Variants in NELFA observed in about 807,000 individuals in gnomAD.
NELFA encodes negative elongation factor complex member A.
A neutral mutation model predicts 51.8 loss-of-function variants in NELFA; 35 were observed. The ratio of observed to expected loss-of-function variants is 0.68; its 90% CI spans 0.52 to 0.90. The LOEUF (loss-of-function observed/expected upper bound fraction) is 0.90, where lower values mean the gene tolerates loss of function less well. Among genes scored for constraint, NELFA ranks in the 40% least tolerant of loss-of-function variants. The pLI, the probability that NELFA is intolerant of heterozygous loss-of-function variation, is 0.00. For missense variants in NELFA, 658 were observed against 746.4 expected (o/e 0.88, Z 1.38); for synonymous variants, 417 against 338.4 (o/e 1.23, Z -2.55).
chr4:2,006,660 T>C (rs995500939), intron 1 of NELFA, among the ~76,000 whole-genome samples: 1 of 148,772 alleles, frequency 6.7e-6, no homozygotes, highest in Non-Finnish European at 1.5e-5. Flanking sequence ...TCCCAGCTAC[T>C]ACAGAGGTTT....
rs1205718271 is a variant in NELFA, at chr4:2,008,864, C to A, written c.96G>T (p.Leu32=). The change falls in exon 1 of 11, where the codon CTG becomes CTT. Residue 32 remains leucine (L), a synonymous_variant. Coordinates refer to ENST00000382882, the MANE Select transcript of NELFA (RefSeq NM_005663.5). ...ELWAPPSIAS[L]LTAAVIDNIR... is the part of the protein sequence containing the mutation. The stretch of plus-strand genomic sequence containing the variant: ...TGTTGTCGATGACCGCGGCCGTGAG[C>A]AGGGACGCGATGCTGGGCGGCGCCC... 6.2e-7 allele frequency: 1 copy of A among 1,603,468 alleles called. No individual in the cohort carries two copies. The highest frequency in any genetic ancestry group is 8.5e-7 in the Non-Finnish European group (1 of 1,175,984).
intron 1 of NELFA, among the ~76,000 whole-genome samples, chr4:1,993,974 C>G (rs1728356072): frequency 6.6e-6 from 1 of 152,136 alleles, no homozygotes; most frequent in Non-Finnish European, 1.5e-5. Context: ...CCAGGCCTAC[C>G]TTGTAAGGTC....
intron 3 of NELFA, among the ~76,000 whole-genome samples, chr4:1,988,511 G>A (rs999984972): frequency 5.3e-5 from 8 of 152,246 alleles, no homozygotes; most frequent in African/African-American, 1.9e-4. Context: ...GGCCCAAGGG[G>A]CCAGCAGAGT....
intron 4 of NELFA, 24 bp from the exon 5 acceptor site, chr4:1,986,426 C>T (rs537205291): frequency 5.0e-6 from 8 of 1,612,274 alleles, no homozygotes; most frequent in East Asian, 2.2e-5. Context: ...ACAGTCAGGG[C>T]GCCAGCAGCA....
chr4:1,983,247 G>GTTACT lies in NELFA; in HGVS notation c.*67_*71dup. 2 of 1,494,546 alleles carry GTTACT rather than the reference G, an allele frequency of 1.3e-6. No individual in the cohort carries two copies. Among genetic ancestry groups the GTTACT allele is most frequent in the East Asian group, 2.3e-5 (1 of 43,108 alleles). The allele number at this position is 1,494,546 out of a possible 1,614,324, so 92.6% of individuals were successfully genotyped here. A position where few individuals can be genotyped will look rare whatever the true frequency, so the allele number is the denominator to read the frequency against. The stretch of plus-strand genomic sequence containing the variant: ...TCGGGGGCCAGGTGTCCGCCATCCG[G>GTTACT]TTACTTTAAGCTGGCAAAGCCATCG... On this transcript the variant is annotated 3_prime_UTR_variant, in exon 11 of 11. Coordinates refer to ENST00000382882, the MANE Select transcript of NELFA (RefSeq NM_005663.5).
chr4:2,004,836 C>T (rs1340817728), intron 1 of NELFA, among the ~76,000 whole-genome samples: 1 of 133,336 alleles, frequency 7.5e-6, no homozygotes, highest in Non-Finnish European at 1.6e-5. Flanking sequence ...GAGACAGAGT[C>T]TTGCTGTCGC....
At position 1,983,909 on chromosome 4, in the gene NELFA, A is replaced by G. The variant is rs1577609285; in HGVS notation, c.1241T>C (p.Met414Thr). 6.2e-7 allele frequency: 1 copy of G among 1,604,760 alleles called. No homozygotes were observed. Among genetic ancestry groups the G allele is most frequent in the South Asian group, 1.1e-5 (1 of 89,846 alleles). Reference sequence around the variant, plus strand: ...AGGGGCCTGGGTCTGCGGGGCCACCATGGCAACCGGGGGTGTCTGAGTGGT... The same window carrying G: ...AGGGGCCTGGGTCTGCGGGGCCACCGTGGCAACCGGGGGTGTCTGAGTGGT... ...APTTQTPPVA[M>T]VAPQTQAPAQ... The change falls in exon 9 of 11, where the codon ATG becomes ACG. Residue 414 changes from methionine to threonine, a missense_variant. Met to Thr is a moderately conservative substitution (Grantham distance 81, BLOSUM62 -1). Transcript: ENST00000382882.
intron 2 of NELFA, chr4:1,990,436 C>A: frequency 2.2e-6 from 1 of 456,766 alleles, no homozygotes; most frequent in Non-Finnish European, 4.4e-6. Flanking sequence ...AAAGCACAGG[C>A]AGGCACATGA....
chr4:1,998,000 T>C (rs993446429), intron 1 of NELFA, among the ~76,000 whole-genome samples: 3 of 152,062 alleles, frequency 2.0e-5, no homozygotes, highest in African/African-American at 7.2e-5. Flanking sequence ...CAGATGAATA[T>C]GGCCTGAAGT....
In NELFA at chr4:1,989,608, G is replaced by A. The variant is rs1399477221; in HGVS notation, c.544+100C>T. On this transcript the variant is annotated intron_variant, in intron 3 of 10. Transcript: ENST00000382882. This position sits in a 1 kb window ranked among gnomAD's most constrained non-coding sequence, Gnocchi z 4.8. ...GGTGTGAGCCACCATGCCTGGCCCA[G>A]AACGCCACCTTGAAGGGGCAGTCTT... 2.2e-6 allele frequency: 3 copies of A among 1,353,158 alleles called. No individual in the cohort carries two copies. Among genetic ancestry groups the A allele is most frequent in the Non-Finnish European group, 3.0e-6 (3 of 994,922 alleles). 83.8% of individuals were successfully genotyped at this position (1,353,158 alleles called of 1,614,324 possible).
intron 1 of NELFA, among the ~76,000 whole-genome samples, chr4:2,001,834 C>T (rs1383797443): frequency 9.3e-5 from 14 of 151,164 alleles, no homozygotes; most frequent in South Asian, 6.3e-4. Flanking sequence ...GCAAGGGAGG[C>T]GGAGGTTGCA....
chr4:1,984,745 G>A (rs1165040650), intron 8 of NELFA, 63 bp downstream of exon 8: 25 of 1,236,624 alleles, frequency 2.0e-5, no homozygotes, highest in African/African-American at 4.5e-5. Flanking sequence ...GGCAGCGCCC[G>A]TGGGCAAGGT....
At chr4:1,988,031 T>A in intron 3 of NELFA, 24 bp from the exon 4 acceptor site, 1 of 1,590,022 alleles carries the variant, frequency 6.3e-7, no homozygotes, top group Non-Finnish European at 8.6e-7. Flanking sequence ...GTCACATATG[T>A]CAGGGATCCT....
At chr4:1,992,230 G>C (rs1728292129) in intron 1 of NELFA, 1 of 235,660 alleles carries the variant, frequency 4.2e-6, no homozygotes, top group Admixed American at 5.8e-5. Context: ...AGCTGAGCTG[G>C]TGCCTAGTCA....
At chr4:2,001,884 C>G (rs939836222) in intron 1 of NELFA, among the ~76,000 whole-genome samples, 5 of 147,924 alleles carry the variant, frequency 3.4e-5, no homozygotes, top group African/African-American at 1.3e-4. Context: ...GCCTGGCCGA[C>G]AGAGCGAGAC....
chr4:2,008,182 G>C (rs901962318), intron 1 of NELFA: 18 of 381,830 alleles, frequency 4.7e-5, no homozygotes, highest in Admixed American at 3.3e-4. Context: ...TCCCCGACGG[G>C]AAACCCCGAT....
At chr4:2,001,363 G>A (rs1460685709) in intron 1 of NELFA, among the ~76,000 whole-genome samples, 1 of 152,170 alleles carries the variant, frequency 6.6e-6, no homozygotes, top group African/African-American at 2.4e-5. Context: ...AGTTGTCTCT[G>A]TTTGCAGATG....
At chr4:2,008,658 G>A in intron 1 of NELFA, 92 bp downstream of exon 1, 1 of 1,449,474 alleles carries the variant, frequency 6.9e-7, no homozygotes, top group Non-Finnish European at 9.3e-7. Context: ...GAAGGTTGGG[G>A]GAGGGAGCGA....
chr4:2,008,952 G>C lies in NELFA; in HGVS notation c.8C>G (p.Ser3Cys), dbSNP rs1366653780. Residue 3 changes from serine (S) to cysteine (C), a missense_variant, in exon 1 of 11, where the codon TCC becomes TGC. Physicochemically the swap from Ser to Cys is moderately radical, Grantham distance 112 (BLOSUM62 -1). Transcript: ENST00000382882. ...CAGGCCCGTGTCGCTCTCCCGCATGGACGCCATCTTGGGGGAAAGCGCGCG... is the reference window on the plus strand; with the variant it reads ...CAGGCCCGTGTCGCTCTCCCGCATGCACGCCATCTTGGGGGAAAGCGCGCG... MA[S>C]MRESDTGLWL... 3.8e-6 allele frequency: 6 copies of C among 1,559,546 alleles called. No homozygotes were observed. Among genetic ancestry groups the C allele is most frequent in the Non-Finnish European group, 5.2e-6 (6 of 1,151,650 alleles).
Sources: gnomAD v4.1 joint callset for allele counts (sites outside exome capture counted in the v4.1 genomes callset) on GRCh38, gnomAD v4.1.1 for gene constraint, Gnocchi (gnomAD v3.1) non-coding constraint, MANE v1.5 for transcripts, NCBI Gene and HGNC (gene_info 2026-07-23, HGNC 2026-07-21) for gene names.